Variants in EFNA1 observed in about 807,000 individuals in gnomAD.
The protein encoded by EFNA1 is ephrin A1.
EFNA1 carries 8 observed loss-of-function variants against 23.2 expected under a neutral mutation model. The observed-to-expected ratio is 0.34, with a 90% CI of 0.20 to 0.62. EFNA1 has a LOEUF of 0.62. EFNA1 is among the 20% of genes least tolerant of loss of function. The pLI, the probability that EFNA1 is intolerant of heterozygous loss-of-function variation, is 0.75. For synonymous variants in EFNA1, 89 were observed against 98.6 expected (o/e 0.90, Z 0.58); for missense variants, 217 against 260.0 (o/e 0.83, Z 1.14).
chr1:155,132,458 G>A (rs892125853), intron 2 of EFNA1, among the ~76,000 whole-genome samples: 13 of 151,836 alleles, frequency 8.6e-5, no homozygotes, highest in Non-Finnish European at 1.5e-5. Context: ...ATGTTGGTCA[G>A]ACTGGTCTCG....
At position 155,131,113 on chromosome 1, in the gene EFNA1, C is replaced by T. The variant is rs185928055; in HGVS notation, c.93-226C>T. On this transcript the variant is annotated intron_variant, in intron 1 of 4. Coordinates refer to ENST00000368407, the MANE Select transcript of EFNA1 (RefSeq NM_004428.3). ...GTACCCGAAAGATACTGAGTGAATG[C>T]TATTTGAAGGACCAACAGGAGACAG... 1,253 of 1,357,252 alleles carry T rather than the reference C, an allele frequency of 9.2e-4. 4 individuals are homozygous for T. The highest frequency in any genetic ancestry group is 9.8e-4 in the Non-Finnish European group (1,031 of 1,053,882). 84.1% of individuals were successfully genotyped at this position (1,357,252 alleles called of 1,614,324 possible).
intron 1 of EFNA1, 84 bp downstream of exon 1, chr1:155,128,153 C>A: frequency 7.8e-7 from 1 of 1,275,720 alleles, no homozygotes; most frequent in Non-Finnish European, 1.1e-6. Context: ...AAACCCTGAG[C>A]TGAGCCTAGA....
chr1:155,131,417 C>T lies in EFNA1; in HGVS notation c.171C>T (p.His57=), dbSNP rs775132858. The T allele has an allele frequency of 5.7e-5, 92 of 1,614,178 alleles. 1 individual carries two copies. The South Asian group carries it at 6.8e-4, about 12-fold the overall frequency. The change falls in exon 2 of 5, where the codon CAC becomes CAT. Residue 57 remains histidine, a synonymous_variant. Transcript: ENST00000368407. Reference sequence around the variant, plus strand: ...TCATCTGTCCGCACTATGAAGATCACTCTGTGGCAGACGCTGCCATGGAGC... The same window carrying T: ...TCATCTGTCCGCACTATGAAGATCATTCTGTGGCAGACGCTGCCATGGAGC... ...VDIICPHYED[H]SVADAAMEQY...
chr1:155,129,993 C>T (rs1288511004), intron 1 of EFNA1: 1 of 152,430 alleles, frequency 6.6e-6, no homozygotes, highest in African/African-American at 2.4e-5. Flanking sequence ...GCTGAAATAC[C>T]TGTTCTGAAA....
intron 2 of EFNA1, among the ~76,000 whole-genome samples, chr1:155,132,060 G>A (rs1366617940): frequency 6.6e-6 from 1 of 151,904 alleles, no homozygotes; most frequent in Non-Finnish European, 1.5e-5. Flanking sequence ...ACGTACAAAG[G>A]GAGCATGACA....
At position 155,131,476 on chromosome 1, in the gene EFNA1, A is replaced by C. The variant is rs1571685393; in HGVS notation, c.230A>C (p.Tyr77Ser). ...CTGTACCTGGTGGAGCATGAGGAGTACCAGCTGTGCCAGCCCCAGTCCAAG... is the reference window on the plus strand; with the variant it reads ...CTGTACCTGGTGGAGCATGAGGAGTCCCAGCTGTGCCAGCCCCAGTCCAAG... ...YILYLVEHEE[Y>S]QLCQPQSKDQ... Residue 77 changes from tyrosine (Y) to serine (S), a missense_variant, in exon 2 of 5, where the codon TAC becomes TCC. Coordinates refer to ENST00000368407, the MANE Select transcript of EFNA1 (RefSeq NM_004428.3). 1 of 1,613,858 alleles carries C rather than the reference A, an allele frequency of 6.2e-7. No individual in the cohort carries two copies. Among genetic ancestry groups the C allele is most frequent in the Non-Finnish European group, 8.5e-7 (1 of 1,179,906 alleles).
At chr1:155,133,912 T>A (rs1441819304) in intron 4 of EFNA1, 43 bp from the exon 5 acceptor site, 2 of 1,606,594 alleles carry the variant, frequency 1.2e-6, no homozygotes, top group Non-Finnish European at 1.7e-6. Context: ...GTACAAATAG[T>A]GGAGCCACTC....
At chr1:155,129,762 G>A (rs1664189778) in intron 1 of EFNA1, 1 of 152,454 alleles carries the variant, frequency 6.6e-6, no homozygotes. Flanking sequence ...CCTCCCTCAT[G>A]CTGGAGGGCA....
intron 2 of EFNA1, among the ~76,000 whole-genome samples, 176 bp downstream of exon 2, chr1:155,131,810 T>A (rs1285467573): frequency 6.6e-6 from 1 of 152,184 alleles, no homozygotes; most frequent in Non-Finnish European, 1.5e-5. Context: ...GCACTCTGTT[T>A]AGCGCTATGA....
chr1:155,130,596 T>C (rs1664219312), intron 1 of EFNA1: 1 of 984,928 alleles, frequency 1.0e-6, no homozygotes, highest in Admixed American at 6.2e-5. Flanking sequence ...CTTTTAGAGA[T>C]AAAAGGACAG....
At chr1:155,130,191 C>T (rs1664201202) in intron 1 of EFNA1, among the ~76,000 whole-genome samples, 1 of 152,220 alleles carries the variant, frequency 6.6e-6, no homozygotes, top group South Asian at 2.1e-4. Flanking sequence ...CTCTGCCTGA[C>T]TCCTTCCTCG....
intron 1 of EFNA1, among the ~76,000 whole-genome samples, chr1:155,128,469 A>T (rs1664147000): frequency 6.6e-6 from 1 of 151,884 alleles, no homozygotes; most frequent in African/African-American, 2.4e-5. Context: ...ACACTGACAG[A>T]TACCTGGTGT....
Position 155,134,580 on chromosome 1 carries a change from CCA to C in EFNA1, c.*516_*517del, listed in dbSNP as rs1200506342. The C allele has an allele frequency of 5.4e-6, 1 of 184,142 alleles. No homozygotes were observed. Among genetic ancestry groups the C allele is most frequent in the Non-Finnish European group, 1.2e-5 (1 of 85,966 alleles). The allele number at this position is 184,142 out of a possible 1,614,324, so 11.4% of individuals were successfully genotyped here. A position where few individuals can be genotyped will look rare whatever the true frequency, so the allele number is the denominator to read the frequency against. On this transcript the variant is annotated 3_prime_UTR_variant, in exon 5 of 5. Transcript: ENST00000368407. ...CAGCAAGACCTCATCTGTGGAGCTG[CCA>C]CAGAGAAGTTTGTAGCCAGGTACTG...
intron 4 of EFNA1, 21 bp from the exon 5 acceptor site, chr1:155,133,934 C>T (rs1363150731): frequency 6.2e-7 from 1 of 1,612,790 alleles, no homozygotes; most frequent in African/African-American, 1.3e-5. Context: ...CACTGGTGGC[C>T]TTTGCCCTCT....
intron 2 of EFNA1, 49 bp downstream of exon 2, chr1:155,131,683 ATACATGCTTGGG>A (rs1378799532): frequency 5.1e-6 from 8 of 1,578,874 alleles, no homozygotes; most frequent in South Asian, 4.6e-5. Flanking sequence ...TTGCCATTAC[ATACATGCTTGGG>A]TACATGCTTG....
intron 4 of EFNA1, 21 bp from the exon 5 acceptor site, chr1:155,133,934 C>G: frequency 1.2e-6 from 2 of 1,612,908 alleles, no homozygotes; most frequent in Non-Finnish European, 1.7e-6. Context: ...CACTGGTGGC[C>G]TTTGCCCTCT....
Position 155,127,936 on chromosome 1 carries a change from A to C in EFNA1, c.-42A>C. 2.0e-6 allele frequency: 3 copies of C among 1,530,838 alleles called. No homozygotes were observed. Among genetic ancestry groups the C allele is most frequent in the South Asian group, 1.1e-5 (1 of 88,964 alleles). The allele number at this position is 1,530,838 out of a possible 1,614,324, so 94.8% of individuals were successfully genotyped here. On this transcript the variant is annotated 5_prime_UTR_variant, in exon 1 of 5. Coordinates refer to ENST00000368407, the MANE Select transcript of EFNA1 (RefSeq NM_004428.3). This position sits in a 1 kb window ranked among gnomAD's most constrained non-coding sequence, Gnocchi z 4.4. ...AAAGCCAGTGGGAACCCAGACCCAT[A>C]GGAGACCCGCGTCCCCGCTCGGCCT...
At position 155,133,571 on chromosome 1, in the gene EFNA1, G is replaced by A. The variant is rs1664288604; in HGVS notation, c.454+3G>A. 1 of 1,613,914 alleles carries A rather than the reference G, an allele frequency of 6.2e-7. No individual in the cohort carries two copies. The highest frequency in any genetic ancestry group is 8.5e-7 in the Non-Finnish European group (1 of 1,179,958). On this transcript the variant is annotated splice_donor_region_variant and intron_variant, in intron 3 of 4. Coordinates refer to ENST00000368407, the MANE Select transcript of EFNA1 (RefSeq NM_004428.3). ...GGTGACTGTCAGTGGCAAAATCAGT[G>A]AGTGTCAGAGCCCTGTGGGCCTCCT... is the stretch of plus-strand genomic sequence containing the variant.
chr1:155,131,212 G>A (rs984874052), intron 1 of EFNA1, 127 bp from the exon 2 acceptor site: 1 of 1,397,814 alleles, frequency 7.2e-7, no homozygotes, highest in African/African-American at 1.4e-5. Context: ...ATTGGGAGTT[G>A]AAACTTCGGA....
Sources: allele counts gnomAD v4.1 joint callset (sites outside exome capture counted in the v4.1 genomes callset), GRCh38; gene constraint gnomAD v4.1.1; non-coding constraint Gnocchi (gnomAD v3.1); transcripts MANE v1.5; gene names NCBI Gene and HGNC (gene_info 2026-07-23, HGNC 2026-07-21).